The following PTK2 variants were observed in gnomAD, a reference collection of about 807,000 sequenced individuals.
PTK2 encodes focal adhesion kinase 1.
Under a neutral mutation model 150.1 loss-of-function variants are expected in PTK2, and 45 were observed. That is an observed-to-expected ratio of 0.30 (90% confidence interval 0.24 to 0.38). The LOEUF (loss-of-function observed/expected upper bound fraction) is 0.38, where lower values mean the gene tolerates loss of function less well. Ranked by LOEUF, PTK2 falls within the 10% of genes least tolerant of loss-of-function variation. The pLI is 1.00. For synonymous variants in PTK2, 432 were observed against 449.2 expected (o/e 0.96, Z 0.48); for missense variants, 919 against 1,307.3 (o/e 0.70, Z 4.58).
chr8:140,718,865 G>A (rs929456600), intron 22 of PTK2: 1 of 152,218 alleles, frequency 6.6e-6, no homozygotes, highest in East Asian at 1.9e-4. Flanking sequence ...AAACAAAAGG[G>A]AATGTCTGCC....
At chr8:140,951,081 G>A (rs960094044) in intron 1 of PTK2, among the ~76,000 whole-genome samples, 1 of 152,130 alleles carries the variant, frequency 6.6e-6, no homozygotes, top group South Asian at 2.1e-4. Context: ...ACAAATACGA[G>A]ATTTTGCAGA....
intron 1 of PTK2, among the ~76,000 whole-genome samples, chr8:140,927,958 G>GAAAAAA (rs57931737): frequency 4.7e-5 from 3 of 63,634 alleles, no homozygotes; most frequent in African/African-American, 2.0e-4. Flanking sequence ...AAAAAAAAAA[G>GAAAAAA]AAAAAAAAAA....
chr8:140,737,251 C>T lies in PTK2; in HGVS notation c.1825+1767G>A, dbSNP rs146720502. Among the ~76,000 whole-genome samples, 1,144 of 152,252 alleles carry T rather than the reference C, an allele frequency of 7.5e-3. 17 individuals are homozygous for T. The highest frequency in any genetic ancestry group is 0.041 in the South Asian group (195 of 4,814). On this transcript the variant is annotated intron_variant, in intron 21 of 31. Coordinates refer to ENST00000522684, the Ensembl canonical transcript of PTK2. ...CTGAGTAGCTGAAACTATCGGCATG[C>T]GCCACCCAAACCAGCTAATTTTTGT...
intron 12 of PTK2, among the ~76,000 whole-genome samples, chr8:140,796,434 C>A (rs1370672528): frequency 6.6e-6 from 1 of 152,188 alleles, no homozygotes; most frequent in Non-Finnish European, 1.5e-5. Flanking sequence ...AGCACCACCA[C>A]CTTACTCACA....
At position 140,668,254 on chromosome 8, in the gene PTK2, A is replaced by C. The variant is rs778836027; in HGVS notation, c.2865+15T>G. 14 of 1,613,956 alleles carry C rather than the reference A, an allele frequency of 8.7e-6. No homozygotes were observed. The South Asian group carries it at 1.5e-4, about 18-fold the overall frequency. ...AAGAACATTTTTGCCAGTACACAAA[A>C]TGACTCTATTTTACCTTCACCATAG... On this transcript the variant is annotated intron_variant, in intron 30 of 31. Transcript: ENST00000522684.
At chr8:141,000,880 C>T (rs1264547218) in intron 1 of PTK2, 1 of 151,428 alleles carries the variant, frequency 6.6e-6, no homozygotes, top group Non-Finnish European at 1.5e-5. Context: ...GCCCCCTGAC[C>T]TCCTTAAGCC....
At chr8:140,977,455 CT>C (rs1359576677) in intron 1 of PTK2, among the ~76,000 whole-genome samples, 1 of 152,070 alleles carries the variant, frequency 6.6e-6, no homozygotes, top group East Asian at 1.9e-4. Flanking sequence ...AACCCCATCT[CT>C]ACTAAAAATA....
At chr8:140,988,834 T>C (rs768060085) in intron 1 of PTK2, among the ~76,000 whole-genome samples, 7 of 151,650 alleles carry the variant, frequency 4.6e-5, no homozygotes, top group Non-Finnish European at 8.8e-5. Context: ...TTTCAATAAA[T>C]GGTGTTGGGA....
chr8:140,717,843 G>T, intron 22 of PTK2, 134 bp from the exon 26 acceptor site: 2 of 640,092 alleles, frequency 3.1e-6, no homozygotes. Context: ...TATACACAGG[G>T]GAAAGAAGGA....
Position 140,850,132 on chromosome 8 carries a change from A to G in PTK2, c.451-3454T>C, listed in dbSNP as rs2100128283. On this transcript the variant is annotated intron_variant, in intron 5 of 31. Coordinates refer to ENST00000522684, the Ensembl canonical transcript of PTK2. The stretch of plus-strand genomic sequence containing the variant: ...AGACTTCTGAAAGTTGGTTTTTAAA[A>G]ATTAATTTGTTGGCTAGGCACAGTG... Among the ~76,000 whole-genome samples the G allele has an allele frequency of 2.0e-5, 3 of 152,164 alleles. 1 individual carries two copies. In the South Asian group the frequency reaches 6.2e-4, roughly 32 times the overall value.
intron 13 of PTK2, among the ~76,000 whole-genome samples, chr8:140,791,816 G>A (rs1595798810): frequency 6.6e-6 from 1 of 152,240 alleles, no homozygotes; most frequent in South Asian, 2.1e-4. Context: ...AAGACAGGAT[G>A]TTTGCTCCTG....
chr8:140,902,945 T>TTTTTTTG (rs2100159303), intron 2 of PTK2, among the ~76,000 whole-genome samples: 1 of 140,700 alleles, frequency 7.1e-6, no homozygotes, highest in Non-Finnish European at 1.5e-5. Flanking sequence ...TTTTTTTTTT[T>TTTTTTTG]TTTTTTTTTT....
chr8:140,790,944 C>T (rs561133767), intron 13 of PTK2, among the ~76,000 whole-genome samples: 4 of 152,208 alleles, frequency 2.6e-5, no homozygotes, highest in East Asian at 1.9e-4. Flanking sequence ...CCCTTGTCTG[C>T]GCCACAATTA....
intron 16 of PTK2, among the ~76,000 whole-genome samples, chr8:140,759,833 ACTCT>A (rs1236137615): frequency 3.3e-5 from 5 of 151,356 alleles, no homozygotes; most frequent in Admixed American, 2.0e-4. Flanking sequence ...ACAGAGCAAG[ACTCT>A]CTCTCTCACC....
At chr8:140,955,180 T>C (rs952603822) in intron 1 of PTK2, among the ~76,000 whole-genome samples, 12 of 152,238 alleles carry the variant, frequency 7.9e-5, no homozygotes, top group African/African-American at 2.9e-4. Context: ...GGTTTGGCTG[T>C]GTCCCCACTC....
chr8:140,700,421 C>T lies in PTK2; in HGVS notation c.2499+470G>A, dbSNP rs535247831. 2.0e-5 allele frequency among the ~76,000 whole-genome samples: 3 copies of T among 152,022 alleles called. No individual in the cohort carries two copies. The East Asian group carries it at 5.8e-4, about 29-fold the overall frequency. ...TCCTGGGCTCAAGTGATCCTCCTGC[C>T]TTGGCCTCCCAAAGCACTGGGATTT... On this transcript the variant is annotated intron_variant, in intron 26 of 31. Transcript: ENST00000522684.
chr8:140,833,473 T>C (rs752168168), intron 7 of PTK2, among the ~76,000 whole-genome samples: 1 of 152,198 alleles, frequency 6.6e-6, no homozygotes. Context: ...GAAAGCCTAT[T>C]ATAGATATCT....
chr8:140,686,836 CCA>C (rs2100020208), intron 26 of PTK2, 142 bp from the exon 30 acceptor site: 1 of 722,558 alleles, frequency 1.4e-6, no homozygotes, highest in African/African-American at 1.8e-5. Context: ...CAAAAAAATT[CCA>C]GTGATGATAA....
At chr8:140,761,783 C>T (rs757965434) in intron 15 of PTK2, among the ~76,000 whole-genome samples, 13 of 152,044 alleles carry the variant, frequency 8.6e-5, no homozygotes, top group Non-Finnish European at 1.9e-4. Context: ...CTCTACATTA[C>T]TCATGGAGCT....
Sources: gnomAD v4.1 joint callset for allele counts (sites outside exome capture counted in the v4.1 genomes callset) on GRCh38, gnomAD v4.1.1 for gene constraint, MANE v1.5 for transcripts, NCBI Gene and HGNC (gene_info 2026-07-23, HGNC 2026-07-21) for gene names.